The following MDFIC2 variants were observed in gnomAD, a reference collection of about 807,000 sequenced individuals.
The protein encoded by MDFIC2 is MyoD family inhibitor domain containing 2, also known as myoD family inhibitor domain-containing protein 2.
chr3:70,291,576 A>G (rs1256780386), intron 2 of MDFIC2, among the ~76,000 whole-genome samples: 1 of 152,078 alleles, frequency 6.6e-6, no homozygotes, highest in Non-Finnish European at 1.5e-5. Context: ...ACAATATGTT[A>G]ATACTTAGCA....
At chr3:70,310,902 C>G (rs1456811154) in intron 2 of MDFIC2, among the ~76,000 whole-genome samples, 1 of 152,116 alleles carries the variant, frequency 6.6e-6, no homozygotes, top group East Asian at 1.9e-4. Flanking sequence ...AGCTTTGGCA[C>G]TTTCCAATTT....
intron 2 of MDFIC2, among the ~76,000 whole-genome samples, chr3:70,292,898 T>C (rs1426470597): frequency 2.0e-5 from 3 of 152,002 alleles, no homozygotes; most frequent in Admixed American, 2.0e-4. Flanking sequence ...CAATAATAGC[T>C]TTAGAATATT....
rs576210460 is a variant in MDFIC2 at position 70,224,723 on chromosome 3, T to C, written c.89-17933A>G. ...AGGAGAAAATTCACCCTTGGTTTTT[T>C]TTTTAATTCATTTAACCATTGCGCT... On this transcript the variant is annotated intron_variant, in intron 2 of 3. Transcript: ENST00000567252. 3.7e-4 allele frequency among the ~76,000 whole-genome samples: 56 copies of C among 152,236 alleles called. 1 individual carries two copies. In the South Asian group the frequency reaches 0.011, roughly 30 times the overall value.
chr3:70,267,372 T>G (rs1053075724), intron 2 of MDFIC2, among the ~76,000 whole-genome samples: 3 of 150,802 alleles, frequency 2.0e-5, no homozygotes, highest in African/African-American at 7.3e-5. Context: ...TCTACTCTCT[T>G]GTACAGATTC....
At chr3:70,276,524 C>T (rs1359558282) in intron 2 of MDFIC2, among the ~76,000 whole-genome samples, 1 of 152,096 alleles carries the variant, frequency 6.6e-6, no homozygotes, top group East Asian at 1.9e-4. Flanking sequence ...ATGATTCATT[C>T]CATGTTTATT....
At chr3:70,245,471 C>T (rs1575605519) in intron 2 of MDFIC2, among the ~76,000 whole-genome samples, 4 of 151,222 alleles carry the variant, frequency 2.6e-5, no homozygotes, top group African/African-American at 9.7e-5. Context: ...AGCATATGGT[C>T]GATGGCCTCT....
At chr3:70,229,542 T>A (rs1701539511) in intron 2 of MDFIC2, among the ~76,000 whole-genome samples, 1 of 152,216 alleles carries the variant, frequency 6.6e-6, no homozygotes, top group African/African-American at 2.4e-5. Context: ...TAAAAATAGT[T>A]CTGGCTGAAG....
chr3:70,236,658 C>T (rs1701612254), intron 2 of MDFIC2, among the ~76,000 whole-genome samples: 1 of 152,082 alleles, frequency 6.6e-6, no homozygotes, highest in Non-Finnish European at 1.5e-5. Flanking sequence ...TGCAGCGGCA[C>T]AATCATGGCT....
At chr3:70,257,559 C>T (rs1701828590) in intron 2 of MDFIC2, among the ~76,000 whole-genome samples, 1 of 152,090 alleles carries the variant, frequency 6.6e-6, no homozygotes, top group Middle Eastern at 3.4e-3. Flanking sequence ...ATACGCTTTG[C>T]AATGCCATCA....
At chr3:70,276,968 A>G (rs559360306) in intron 2 of MDFIC2, among the ~76,000 whole-genome samples, 2 of 148,936 alleles carry the variant, frequency 1.3e-5, no homozygotes, top group East Asian at 2.0e-4. Context: ...TTTTCACTGG[A>G]TTTTTTTTTT....
chr3:70,284,329 C>T (rs1216865985), intron 2 of MDFIC2, among the ~76,000 whole-genome samples: 1 of 152,092 alleles, frequency 6.6e-6, no homozygotes, highest in Non-Finnish European at 1.5e-5. Context: ...TAGCCTTGTT[C>T]CAAGTTGTAA....
At chr3:70,265,039 C>T (rs1341342573) in intron 2 of MDFIC2, among the ~76,000 whole-genome samples, 4 of 152,126 alleles carry the variant, frequency 2.6e-5, no homozygotes, top group Non-Finnish European at 2.9e-5. Flanking sequence ...CATCAGATAT[C>T]GTGAGACTTA....
At position 70,194,828 on chromosome 3, in the gene MDFIC2, T is replaced by C. The variant is rs1701160612; in HGVS notation, c.*2098A>G. Among the ~76,000 whole-genome samples, 1 of 152,116 alleles carries C rather than the reference T, an allele frequency of 6.6e-6. No homozygotes were observed. Among genetic ancestry groups the C allele is most frequent in the African/African-American group, 2.4e-5 (1 of 41,432 alleles). ...ACCAATGATACCAGGTACCATATTATAGGAATAGGGTTCCAGAGACCCCCA... is the reference window on the plus strand; with the variant it reads ...ACCAATGATACCAGGTACCATATTACAGGAATAGGGTTCCAGAGACCCCCA... On this transcript the variant is annotated 3_prime_UTR_variant, in exon 4 of 4. Coordinates refer to ENST00000567252, the MANE Select transcript of MDFIC2 (RefSeq NM_001364677.1).
At chr3:70,258,536 A>AT (rs1027573540) in intron 2 of MDFIC2, among the ~76,000 whole-genome samples, 3 of 152,136 alleles carry the variant, frequency 2.0e-5, no homozygotes, top group Non-Finnish European at 2.9e-5. Flanking sequence ...GTAGAGTCTC[A>AT]TTTTTTTAAG....
At chr3:70,244,726 T>C (rs1701690584) in intron 2 of MDFIC2, among the ~76,000 whole-genome samples, 1 of 152,232 alleles carries the variant, frequency 6.6e-6, no homozygotes. Context: ...TGAATCATTA[T>C]GCTCTTATGA....
At chr3:70,253,423 G>A (rs1290860010) in intron 2 of MDFIC2, among the ~76,000 whole-genome samples, 1 of 152,158 alleles carries the variant, frequency 6.6e-6, no homozygotes, top group Non-Finnish European at 1.5e-5. Flanking sequence ...CCAGAGCCTT[G>A]GCTGCTTTCG....
At chr3:70,294,660 A>G (rs1335435022) in intron 2 of MDFIC2, among the ~76,000 whole-genome samples, 6 of 151,926 alleles carry the variant, frequency 3.9e-5, no homozygotes, top group Non-Finnish European at 5.9e-5. Flanking sequence ...TCAAAAAATA[A>G]AGTAATTTAT....
At chr3:70,241,211 T>C (rs982814074) in intron 2 of MDFIC2, among the ~76,000 whole-genome samples, 2 of 152,140 alleles carry the variant, frequency 1.3e-5, no homozygotes, top group Non-Finnish European at 2.9e-5. Context: ...ATAAATATTG[T>C]CATATTTCTA....
intron 2 of MDFIC2, among the ~76,000 whole-genome samples, chr3:70,283,147 G>A (rs985825901): frequency 6.6e-6 from 1 of 152,154 alleles, no homozygotes; most frequent in East Asian, 1.9e-4. Flanking sequence ...ATCAACAGTA[G>A]CACTAGGTGG....
Sources: allele counts gnomAD v4.1 joint callset (sites outside exome capture counted in the v4.1 genomes callset), GRCh38; gene constraint gnomAD v4.1.1; transcripts MANE v1.5; gene names NCBI Gene and HGNC (gene_info 2026-07-23, HGNC 2026-07-21).